Variants in DENND4C observed in about 807,000 individuals in gnomAD.
DENND4C encodes DENN domain containing 4C, also known as DENN domain-containing protein 4C.
A neutral mutation model predicts 203.0 loss-of-function variants in DENND4C; 108 were observed. The observed-to-expected ratio is 0.53, with a 90% CI of 0.46 to 0.62. The LOEUF is 0.62. Among genes scored for constraint, DENND4C ranks in the 20% least tolerant of loss-of-function variants. The pLI is 0.00. For missense variants in DENND4C, 2,481 were observed against 2,301.2 expected (o/e 1.08, Z -1.60); for synonymous variants, 871 against 792.4 (o/e 1.10, Z -1.67).
At position 19,288,683 on chromosome 9, in the gene DENND4C, A is replaced by G; in HGVS notation, c.628+18A>G. ...TAAGGCTGGTAAGTGAGTTAAAAAAAATTGTCTCAATTGCTATAGTTATTG... is the reference window on the plus strand; with the variant it reads ...TAAGGCTGGTAAGTGAGTTAAAAAAGATTGTCTCAATTGCTATAGTTATTG... On this transcript the variant is annotated intron_variant, in intron 4 of 32. Transcript: ENST00000434457. 1 of 1,212,514 alleles carries G rather than the reference A, an allele frequency of 8.2e-7. No homozygotes were observed. The highest frequency in any genetic ancestry group is 1.0e-6 in the Non-Finnish European group (1 of 970,218). 75.1% of individuals were successfully genotyped at this position (1,212,514 alleles called of 1,614,324 possible). A position where few individuals can be genotyped will look rare whatever the true frequency, so the allele number is the denominator to read the frequency against.
intron 12 of DENND4C, among the ~76,000 whole-genome samples, chr9:19,322,968 A>G (rs1418610276): frequency 6.6e-6 from 1 of 152,050 alleles, no homozygotes; most frequent in Non-Finnish European, 1.5e-5. Flanking sequence ...CTGTGTGTTG[A>G]AGTTGGTGAT....
chr9:19,328,657 G>GTCTGTCTGTCTA (rs1456677474), intron 16 of DENND4C, among the ~76,000 whole-genome samples: 1,244 of 119,332 alleles, frequency 0.01, 21 homozygotes, highest in African/African-American at 0.042. Context: ...CTGTCTGTCT[G>GTCTGTCTGTCTA]TCTATCTATC....
At chr9:19,294,222 G>T (rs57397587) in intron 5 of DENND4C, among the ~76,000 whole-genome samples, 3,276 of 152,000 alleles carry the variant, frequency 0.022, 126 homozygotes, top group African/African-American at 0.074. Context: ...CCAAATAGAA[G>T]TGTGAAGTTA....
intron 9 of DENND4C, among the ~76,000 whole-genome samples, chr9:19,304,228 A>G (rs1172296413): frequency 6.9e-6 from 1 of 144,074 alleles, no homozygotes; most frequent in African/African-American, 2.6e-5. Flanking sequence ...TCTGTTGCCC[A>G]GGCTGGAGTG....
rs1343649671 is a variant in DENND4C at position 19,315,030 on chromosome 9, C to T, written c.1488-1387C>T. On this transcript the variant is annotated intron_variant, in intron 10 of 32. Coordinates refer to ENST00000434457, the MANE Select transcript of DENND4C (RefSeq NM_001330640.2). The stretch of plus-strand genomic sequence containing the variant: ...AAAAAATTAGCTGGGCGTGATGGCG[C>T]GCCCCTGTAATCCCAGCTACTCAGG... Among the ~76,000 whole-genome samples the T allele has an allele frequency of 5.3e-5, 8 of 151,932 alleles. 1 individual carries two copies. Among genetic ancestry groups the T allele is most frequent in the South Asian group, 2.1e-4 (1 of 4,812 alleles).
intron 1 of DENND4C, among the ~76,000 whole-genome samples, chr9:19,236,820 C>T (rs996054859): frequency 6.6e-5 from 10 of 152,174 alleles, no homozygotes; most frequent in African/African-American, 2.4e-4. Flanking sequence ...AAATTTTTTC[C>T]CTCAGAGCGT....
At position 19,346,363 on chromosome 9, in the gene DENND4C, T is replaced by C. The variant is rs374583865; in HGVS notation, c.3594T>C (p.Thr1198=). 1.1e-5 allele frequency: 17 copies of C among 1,614,056 alleles called. No homozygotes were observed. The Admixed American group carries it at 2.8e-4, about 27-fold the overall frequency. Residue 1198 remains threonine, a synonymous_variant, in exon 23 of 33, where the codon ACT becomes ACC. Coordinates refer to ENST00000434457, the MANE Select transcript of DENND4C (RefSeq NM_001330640.2). ...CTGTGGTTGATGACGTACCTAAAAC[T>C]ACTGCAACAGTAGATACATATGAGA... is the stretch of plus-strand genomic sequence containing the variant. The part of the protein sequence containing the change: ...LEPVVDDVPK[T]TATVDTYESL...
At chr9:19,257,355 CAAAA>C (rs71335406) in intron 1 of DENND4C, among the ~76,000 whole-genome samples, 1 of 93,700 alleles carries the variant, frequency 1.1e-5, no homozygotes, top group East Asian at 3.2e-4. Flanking sequence ...CACTCTGTCT[CAAAA>C]AAAAAAAAAA....
chr9:19,328,608 C>A (rs551795034), intron 16 of DENND4C, among the ~76,000 whole-genome samples: 1 of 150,122 alleles, frequency 6.7e-6, no homozygotes, highest in East Asian at 2.0e-4. Context: ...AGTGAAACTC[C>A]ATCTCAAAAA....
intron 23 of DENND4C, among the ~76,000 whole-genome samples, chr9:19,348,053 T>C (rs771842150): frequency 1.3e-5 from 2 of 152,240 alleles, no homozygotes; most frequent in Non-Finnish European, 2.9e-5. Context: ...GGCAGATATG[T>C]ATAATGTTTG....
chr9:19,245,441 T>G lies in DENND4C; in HGVS notation c.-18+14608T>G, dbSNP rs572271584. Among the ~76,000 whole-genome samples, 5 of 138,828 alleles carry G rather than the reference T, an allele frequency of 3.6e-5. No individual in the cohort carries two copies. In the East Asian group the frequency reaches 6.4e-4, roughly 18 times the overall value. The allele number at this position is 138,828 out of a possible 152,430, so 91.1% of individuals were successfully genotyped here. A position where few individuals can be genotyped will look rare whatever the true frequency, so the allele number is the denominator to read the frequency against. ...AAGATGGCGCTACTGCACTCCTGCC[T>G]GGGCGACAGAGTAAGACTCAGTCTC... On this transcript the variant is annotated intron_variant, in intron 1 of 32. Coordinates refer to ENST00000434457, the MANE Select transcript of DENND4C (RefSeq NM_001330640.2).
chr9:19,274,843 C>G (rs986369567), intron 1 of DENND4C, among the ~76,000 whole-genome samples: 1 of 152,136 alleles, frequency 6.6e-6, no homozygotes, highest in African/African-American at 2.4e-5. Context: ...ATGATGCACT[C>G]AATTTATTTA....
chr9:19,286,693 A>G, intron 2 of DENND4C, 76 bp from the exon 3 acceptor site: 3 of 1,159,186 alleles, frequency 2.6e-6, no homozygotes, highest in South Asian at 4.5e-5. Flanking sequence ...CCTGAAATGC[A>G]TGTACTATAT....
At chr9:19,275,215 T>G (rs1832639229) in intron 1 of DENND4C, among the ~76,000 whole-genome samples, 2 of 151,354 alleles carry the variant, frequency 1.3e-5, no homozygotes, top group East Asian at 3.9e-4. Context: ...TGACCTCAAG[T>G]GATCCACCCG....
intron 2 of DENND4C, among the ~76,000 whole-genome samples, chr9:19,283,531 A>T (rs1380653459): frequency 6.6e-6 from 1 of 150,680 alleles, no homozygotes; most frequent in East Asian, 1.9e-4. Flanking sequence ...CATCATCATT[A>T]TGTGGTGCAT....
intron 1 of DENND4C, among the ~76,000 whole-genome samples, chr9:19,239,065 AC>A (rs1347359714): frequency 6.6e-5 from 10 of 152,080 alleles, no homozygotes; most frequent in Non-Finnish European, 1.0e-4. Context: ...ATCTACAGAT[AC>A]TGATATTTAT....
At chr9:19,339,352 A>C (rs557615524) in intron 20 of DENND4C, among the ~76,000 whole-genome samples, 1 of 152,302 alleles carries the variant, frequency 6.6e-6, no homozygotes, top group South Asian at 2.1e-4. Flanking sequence ...GTCTTCCTTA[A>C]CCTGGCATAG....
At position 19,358,342 on chromosome 9, in the gene DENND4C, G is replaced by A. The variant is rs1020913771; in HGVS notation, c.5160+182G>A. ...TATGTACAAAAAGAAACAGTATAAT[G>A]AGTCCCCCATCATCTAGCTTCAGTT... On this transcript the variant is annotated intron_variant, in intron 28 of 32. Transcript: ENST00000434457. This position sits in a 1 kb window ranked among gnomAD's most constrained non-coding sequence, Gnocchi z 4.8. 6.6e-6 allele frequency among the ~76,000 whole-genome samples: 1 copy of A among 152,122 alleles called. No individual in the cohort carries two copies. Among genetic ancestry groups the A allele is most frequent in the African/African-American group, 2.4e-5 (1 of 41,430 alleles).
rs752703373 is a variant in DENND4C at position 19,346,044 on chromosome 9, G to A, written c.3275G>A (p.Arg1092Lys). The A allele has an allele frequency of 1.2e-6, 2 of 1,614,142 alleles. No homozygotes were observed. The highest frequency in any genetic ancestry group is 8.5e-7 in the Non-Finnish European group (1 of 1,180,030). ...GEKRQKHFPE[R>K]SCSFSSESRA... ...AAAAGACAAAAGCATTTTCCTGAGA[G>A]GAGTTGTAGTTTTAGTTCTGAAAGT... The change falls in exon 23 of 33, where the codon AGG becomes AAG. Residue 1092 changes from arginine to lysine, a missense_variant. Transcript: ENST00000434457.
Sources: gnomAD v4.1 joint callset for allele counts (sites outside exome capture counted in the v4.1 genomes callset) on GRCh38, gnomAD v4.1.1 for gene constraint, Gnocchi (gnomAD v3.1) non-coding constraint, MANE v1.5 for transcripts, NCBI Gene and HGNC (gene_info 2026-07-23, HGNC 2026-07-21) for gene names.